THEM4: variants seen among roughly 807,000 people sequenced by gnomAD.
The protein encoded by THEM4 is thioesterase superfamily member 4.
A neutral mutation model predicts 25.0 loss-of-function variants in THEM4; 22 were observed. The observed-to-expected ratio is 0.88, with a 90% confidence interval of 0.63 to 1.26. The LOEUF is 1.26. THEM4 is among the 50% of genes most tolerant of loss of function. The probability of loss-of-function intolerance (pLI) is 0.00; values close to 1 mark genes in which losing one functional copy is unlikely to be tolerated. For synonymous variants in THEM4, 113 were observed against 105.6 expected, an observed-to-expected ratio of 1.07 and a Z score of -0.43; for missense variants, 286 against 300.3, an observed-to-expected ratio of 0.95 and a Z score of 0.35.
At chr1:151,876,857 T>A (rs1424072051) in intron 5 of THEM4, 144 bp downstream of exon 5, 1 of 955,288 alleles carries the variant, frequency 1.0e-6, no homozygotes, top group Non-Finnish European at 1.5e-6. Flanking sequence ...CATGTATGGG[T>A]TATAATACCA....
intron 4 of THEM4, among the ~76,000 whole-genome samples, chr1:151,884,115 G>A (rs113589788): frequency 2.1e-3 from 283 of 135,534 alleles, no homozygotes; most frequent in African/African-American, 6.9e-3. Context: ...ATAAATAAAG[G>A]AAGGAAGGAA....
chr1:151,899,191 G>T (rs1654290462), intron 1 of THEM4, among the ~76,000 whole-genome samples: 1 of 152,168 alleles, frequency 6.6e-6, no homozygotes, highest in South Asian at 2.1e-4. Context: ...TCCAAAAAAT[G>T]ATACAAGAAG....
In THEM4 at chr1:151,872,044, T is replaced by G. The variant is rs571461657; in HGVS notation, c.*2844A>C. On this transcript the variant is annotated 3_prime_UTR_variant, in exon 6 of 6. Coordinates refer to ENST00000368814, the MANE Select transcript of THEM4 (RefSeq NM_053055.5). ...AATAGAGGGTGGCCATTGCCAGACC[T>G]GTAACTTGTAGAGCTGTGAGCCCAG... is the stretch of plus-strand genomic sequence containing the variant. Among the ~76,000 whole-genome samples the G allele has an allele frequency of 6.6e-6, 1 of 152,360 alleles. No homozygotes were observed. Among genetic ancestry groups the G allele is most frequent in the East Asian group, 1.9e-4 (1 of 5,190 alleles).
At chr1:151,897,029 TG>T (rs1432855103) in intron 1 of THEM4, among the ~76,000 whole-genome samples, 1 of 152,194 alleles carries the variant, frequency 6.6e-6, no homozygotes, top group Non-Finnish European at 1.5e-5. Flanking sequence ...ATTACTCCAA[TG>T]CCCAGGCAAC....
chr1:151,879,889 C>T (rs763292603), intron 4 of THEM4, among the ~76,000 whole-genome samples: 4 of 151,982 alleles, frequency 2.6e-5, no homozygotes, highest in Non-Finnish European at 5.9e-5. Flanking sequence ...ATCTCCTGAC[C>T]TCATGATCCA....
chr1:151,889,119 T>C (rs1654033394), intron 3 of THEM4, 95 bp downstream of exon 3: 2 of 946,112 alleles, frequency 2.1e-6, no homozygotes, highest in Non-Finnish European at 3.1e-6. Context: ...TATGTGACCA[T>C]TTGAAAATCT....
chr1:151,906,061 G>A (rs537901081), intron 1 of THEM4, among the ~76,000 whole-genome samples: 49 of 152,372 alleles, frequency 3.2e-4, no homozygotes, highest in Non-Finnish European at 5.9e-4. Flanking sequence ...TCAGCCCACT[G>A]CTGCACTGTG....
chr1:151,899,759 T>C (rs1373233347), intron 1 of THEM4, among the ~76,000 whole-genome samples: 1 of 152,200 alleles, frequency 6.6e-6, no homozygotes, highest in Non-Finnish European at 1.5e-5. Context: ...AAAACTTCCC[T>C]GGTCTTGCTA....
rs1653631028 is a variant in THEM4 at position 151,874,626 on chromosome 1, C to T, written c.*262G>A. ...CTGAGCTCAGGCAATCCGCCTGCCT[C>T]GGCCTCCTAAAGTGCTGGGATTATA... On this transcript the variant is annotated 3_prime_UTR_variant, in exon 6 of 6. Coordinates refer to ENST00000368814, the MANE Select transcript of THEM4 (RefSeq NM_053055.5). 2 of 508,554 alleles carry T rather than the reference C, an allele frequency of 3.9e-6. No homozygotes were observed. The highest frequency in any genetic ancestry group is 2.7e-5 in the South Asian group (1 of 37,252). The allele number at this position is 508,554 out of a possible 1,614,324, so 31.5% of individuals were successfully genotyped here. A position where few individuals can be genotyped will look rare whatever the true frequency, so the allele number is the denominator to read the frequency against.
At chr1:151,892,251 A>C (rs1013372870) in intron 2 of THEM4, among the ~76,000 whole-genome samples, 3 of 152,218 alleles carry the variant, frequency 2.0e-5, no homozygotes, top group African/African-American at 7.2e-5. Context: ...TTGACATTTA[A>C]GGAGCAAGTA....
In THEM4 at chr1:151,889,276, A is replaced by G. The variant is rs776697595; in HGVS notation, c.384T>C (p.Asn128=). 1.2e-6 allele frequency: 2 copies of G among 1,614,032 alleles called. No homozygotes were observed. Among genetic ancestry groups the G allele is most frequent in the African/African-American group, 2.7e-5 (2 of 75,046 alleles). The change falls in exon 3 of 6, where the codon AAT becomes AAC. Residue 128 remains asparagine, a synonymous_variant. Coordinates refer to ENST00000368814, the MANE Select transcript of THEM4 (RefSeq NM_053055.5). Reference sequence around the variant, plus strand: ...AGCAAACCATCCTTTTCTCAATGTCATTGTAGAACATCACGTATTCAAAGC... The same window carrying G: ...AGCAAACCATCCTTTTCTCAATGTCGTTGTAGAACATCACGTATTCAAAGC... The part of the protein sequence containing the change: ...GLGFEYVMFY[N]DIEKRMVCLF...
In THEM4 at chr1:151,872,922, G is replaced by A. The variant is rs774153460; in HGVS notation, c.*1966C>T. On this transcript the variant is annotated 3_prime_UTR_variant, in exon 6 of 6. Coordinates refer to ENST00000368814, the MANE Select transcript of THEM4 (RefSeq NM_053055.5). Reference sequence around the variant, plus strand: ...CTGACCATCCCCCAGCCCGACACCCGCAAAGGGTCTGTGCTGAGGGGGATT... The same window carrying A: ...CTGACCATCCCCCAGCCCGACACCCACAAAGGGTCTGTGCTGAGGGGGATT... Among the ~76,000 whole-genome samples the A allele has an allele frequency of 1.4e-4, 22 of 152,022 alleles. No homozygotes were observed. Among genetic ancestry groups the A allele is most frequent in the African/African-American group, 4.1e-4 (17 of 41,376 alleles).
chr1:151,909,265 C>A, intron 1 of THEM4, 95 bp downstream of exon 1: 1 of 1,040,984 alleles, frequency 9.6e-7, no homozygotes, highest in Non-Finnish European at 1.4e-6. Flanking sequence ...CTGAGATTGG[C>A]TGGTTGGGGT....
intron 3 of THEM4, 64 bp downstream of exon 3, chr1:151,889,150 G>A: frequency 7.3e-7 from 1 of 1,371,482 alleles, no homozygotes; most frequent in Non-Finnish European, 1.0e-6. Context: ...CCATGTACAG[G>A]ACACATGGGG....
In THEM4 at chr1:151,874,564, G is replaced by A. The variant is rs1355237163; in HGVS notation, c.*324C>T. The A allele has an allele frequency of 2.0e-5, 6 of 302,004 alleles. No individual in the cohort carries two copies. The highest frequency in any genetic ancestry group is 4.8e-5 in the Admixed American group (1 of 20,758). 18.7% of individuals were successfully genotyped at this position (302,004 alleles called of 1,614,324 possible). A position where few individuals can be genotyped will look rare whatever the true frequency, so the allele number is the denominator to read the frequency against. ...TAATTTTTTGTATTTTAGTAGAGAC[G>A]GAGTTTCATCGTGTTGCCCAGACTG... is the stretch of plus-strand genomic sequence containing the variant. On this transcript the variant is annotated 3_prime_UTR_variant, in exon 6 of 6. Transcript: ENST00000368814.
At chr1:151,890,816 TCA>T (rs1572078179) in intron 2 of THEM4, 1 of 152,250 alleles carries the variant, frequency 6.6e-6, no homozygotes, top group African/African-American at 2.4e-5. Flanking sequence ...GGCCTAGAAC[TCA>T]CTCTTTTGCA....
chr1:151,895,099 C>T lies in THEM4; in HGVS notation c.195G>A (p.Met65Ile), dbSNP rs779263234. The T allele has an allele frequency of 6.2e-7, 1 of 1,614,104 alleles. No homozygotes were observed. The highest frequency in any genetic ancestry group is 1.7e-5 in the Admixed American group (1 of 60,012). Residue 65 changes from methionine (M) to isoleucine (I), a missense_variant, in exon 2 of 6, where the codon ATG becomes ATA. Physicochemically the swap from Met to Ile is conservative, Grantham distance 10. Coordinates refer to ENST00000368814, the MANE Select transcript of THEM4 (RefSeq NM_053055.5). ...KDLRLLFDQFMKKCEDGSWKR... is the reference protein window; with the variant it reads ...KDLRLLFDQFIKKCEDGSWKR... ...TCCAGGAGCCGTCTTCACATTTCTT[C>T]ATAAACTGGTCAAAGAGCAGTCTTA...
intron 4 of THEM4, among the ~76,000 whole-genome samples, chr1:151,886,373 T>A (rs1315046179): frequency 1.3e-5 from 2 of 152,226 alleles, no homozygotes; most frequent in East Asian, 3.8e-4. Flanking sequence ...CTTTTTGAGA[T>A]AAACAGCAAT....
At chr1:151,906,814 T>C (rs1208932441) in intron 1 of THEM4, among the ~76,000 whole-genome samples, 1 of 152,142 alleles carries the variant, frequency 6.6e-6, no homozygotes, top group Non-Finnish European at 1.5e-5. Context: ...ATCTAGCTAA[T>C]CTGGTGTGGA....
Sources: allele counts gnomAD v4.1 joint callset (sites outside exome capture counted in the v4.1 genomes callset), GRCh38; gene constraint gnomAD v4.1.1; transcripts MANE v1.5; gene names NCBI Gene and HGNC (gene_info 2026-07-23, HGNC 2026-07-21).